The following KIRREL3 variants were observed in gnomAD, a reference collection of about 807,000 sequenced individuals.
The protein encoded by KIRREL3 is kin of IRRE-like protein 3.
KIRREL3 carries 36 observed loss-of-function variants against 89.7 expected under a neutral mutation model. That is an observed-to-expected ratio of 0.40 (90% CI 0.31 to 0.53). The LOEUF (loss-of-function observed/expected upper bound fraction) is 0.53, where lower values mean the gene tolerates loss of function less well. Among genes scored for constraint, KIRREL3 ranks in the 20% least tolerant of loss-of-function variants. The pLI is 0.49. For missense variants in KIRREL3, 864 were observed against 1,056.6 expected, an observed-to-expected ratio of 0.82 and a Z score of 2.53; for synonymous variants, 445 against 441.4, an observed-to-expected ratio of 1.01 and a Z score of -0.10.
rs1445904037 is a variant in KIRREL3, at chr11:126,990,383, C to T, written c.55+10072G>A. ...ACCCGCCTCCTGCGAGAGCCGCCGC[C>T]ATCTGTAACGTTGCCCTCACCACCC... On this transcript the variant is annotated intron_variant, in intron 1 of 16. Coordinates refer to ENST00000525144, the MANE Select transcript of KIRREL3 (RefSeq NM_032531.4). The surrounding 1 kb of genome is among the most constrained non-coding windows in gnomAD (Gnocchi z 6.3). Among the ~76,000 whole-genome samples, 2 of 152,192 alleles carry T rather than the reference C, an allele frequency of 1.3e-5. No individual in the cohort carries two copies.
In KIRREL3 at chr11:126,640,431, C is replaced by T. The variant is rs1182519025; in HGVS notation, c.56-77519G>A. On this transcript the variant is annotated intron_variant, in intron 1 of 16. Transcript: ENST00000525144. The surrounding 1 kb of genome is among the most constrained non-coding windows in gnomAD (Gnocchi z 4.9). ...CATCCGGAACTAGCAAACAGACTGT[C>T]AGTTCAGATTAGCAACATCAAAAGC... 6.6e-6 allele frequency among the ~76,000 whole-genome samples: 1 copy of T among 152,192 alleles called. No individual in the cohort carries two copies. Among genetic ancestry groups the T allele is most frequent in the Non-Finnish European group, 1.5e-5 (1 of 68,032 alleles).
intron 1 of KIRREL3, among the ~76,000 whole-genome samples, chr11:126,688,632 G>T (rs779724267): frequency 6.6e-6 from 1 of 152,164 alleles, no homozygotes; most frequent in Admixed American, 6.5e-5. Context: ...TCTTAGCTGC[G>T]TCAGCTCATA....
rs547310124 is a variant in KIRREL3, at chr11:126,747,190, G to A, written c.56-184278C>T. Among the ~76,000 whole-genome samples, 2 of 152,280 alleles carry A rather than the reference G, an allele frequency of 1.3e-5. No individual in the cohort carries two copies. The highest frequency in any genetic ancestry group is 4.8e-5 in the African/African-American group (2 of 41,558). ...CCTCATAGCATAGAGCTTGGCTCTTGGCTTAGTCCCAGGCCAGCAGGCCTC... is the reference window on the plus strand; with the variant it reads ...CCTCATAGCATAGAGCTTGGCTCTTAGCTTAGTCCCAGGCCAGCAGGCCTC... On this transcript the variant is annotated intron_variant, in intron 1 of 16. Coordinates refer to ENST00000525144, the MANE Select transcript of KIRREL3 (RefSeq NM_032531.4). The surrounding 1 kb of genome is among the most constrained non-coding windows in gnomAD (Gnocchi z 4.7).
intron 1 of KIRREL3, among the ~76,000 whole-genome samples, chr11:126,673,235 C>G (rs982707660): frequency 6.6e-6 from 1 of 152,228 alleles, no homozygotes; most frequent in Non-Finnish European, 1.5e-5. Flanking sequence ...CCACACTTGG[C>G]TCGAAAGAGC....
At position 126,994,472 on chromosome 11, in the gene KIRREL3, T is replaced by G. The variant is rs147948611; in HGVS notation, c.55+5983A>C. Among the ~76,000 whole-genome samples the G allele has an allele frequency of 1.1e-4, 16 of 152,374 alleles. No homozygotes were observed. In the East Asian group the frequency reaches 3.1e-3, roughly 29 times the overall value. On this transcript the variant is annotated intron_variant, in intron 1 of 16. Coordinates refer to ENST00000525144, the MANE Select transcript of KIRREL3 (RefSeq NM_032531.4). The surrounding 1 kb of genome is among the most constrained non-coding windows in gnomAD (Gnocchi z 5.2). ...CAAGGAATAGCTGACATTTATTTAATGTTCATAGTGGTGTTGACTGTGTAC... is the reference window on the plus strand; with the variant it reads ...CAAGGAATAGCTGACATTTATTTAAGGTTCATAGTGGTGTTGACTGTGTAC...
intron 4 of KIRREL3, among the ~76,000 whole-genome samples, chr11:126,506,756 T>G (rs968898290): frequency 6.6e-6 from 1 of 151,852 alleles, no homozygotes; most frequent in African/African-American, 2.4e-5. Flanking sequence ...ACAGACTTGT[T>G]TGTGAATGTT....
At position 126,515,800 on chromosome 11, in the gene KIRREL3, G is replaced by C. The variant is rs1016904786; in HGVS notation, c.433+5515C>G. ...GTGGGGACACTTTCTCGCCCCTGAA[G>C]AACCCCTCAGACTGTCACCTACTGA... On this transcript the variant is annotated intron_variant, in intron 4 of 16. Transcript: ENST00000525144. The surrounding 1 kb of genome is among the most constrained non-coding windows in gnomAD (Gnocchi z 4.2). 6.6e-6 allele frequency among the ~76,000 whole-genome samples: 1 copy of C among 152,218 alleles called. No homozygotes were observed. Among genetic ancestry groups the C allele is most frequent in the Non-Finnish European group, 1.5e-5 (1 of 68,036 alleles).
In KIRREL3 at chr11:126,845,515, G is replaced by T. The variant is rs1312807625; in HGVS notation, c.55+154940C>A. Among the ~76,000 whole-genome samples the T allele has an allele frequency of 2.6e-5, 4 of 152,102 alleles. 1 individual carries two copies. Among genetic ancestry groups the T allele is most frequent in the African/African-American group, 9.7e-5 (4 of 41,418 alleles). Reference sequence around the variant, plus strand: ...TTTTGTCATAAAGAGGGGTACCTTAGGATAGAATGAGGGCCTAGGACCCCA... The same window carrying T: ...TTTTGTCATAAAGAGGGGTACCTTATGATAGAATGAGGGCCTAGGACCCCA... On this transcript the variant is annotated intron_variant, in intron 1 of 16. Coordinates refer to ENST00000525144, the MANE Select transcript of KIRREL3 (RefSeq NM_032531.4).
intron 1 of KIRREL3, among the ~76,000 whole-genome samples, chr11:126,741,393 G>T (rs1300967855): frequency 6.6e-6 from 1 of 152,142 alleles, no homozygotes; most frequent in Non-Finnish European, 1.5e-5. Context: ...CTCCCGTGGG[G>T]CCAGCACAAT....
rs571103 is a variant in KIRREL3 at position 126,639,327 on chromosome 11, T to C, written c.56-76415A>G. Among the ~76,000 whole-genome samples the C allele has an allele frequency of 1.3e-5, 2 of 152,246 alleles. No individual in the cohort carries two copies. The highest frequency in any genetic ancestry group is 2.9e-5 in the Non-Finnish European group (2 of 68,046). On this transcript the variant is annotated intron_variant, in intron 1 of 16. Coordinates refer to ENST00000525144, the MANE Select transcript of KIRREL3 (RefSeq NM_032531.4). This position sits in a 1 kb window ranked among gnomAD's most constrained non-coding sequence, Gnocchi z 4.3. Reference sequence around the variant, plus strand: ...CTAGGCAGCTATTTGTATTTCTGTTTGGATTTTTGGGTCCTTTTCTTTTTG... The same window carrying C: ...CTAGGCAGCTATTTGTATTTCTGTTCGGATTTTTGGGTCCTTTTCTTTTTG...
intron 1 of KIRREL3, among the ~76,000 whole-genome samples, chr11:126,790,493 G>T (rs571155727): frequency 6.6e-6 from 1 of 152,172 alleles, no homozygotes; most frequent in Non-Finnish European, 1.5e-5. Flanking sequence ...TGAGGTTATT[G>T]TAAGGATTCA....
chr11:126,926,446 C>T (rs1947719413), intron 1 of KIRREL3, among the ~76,000 whole-genome samples: 1 of 152,154 alleles, frequency 6.6e-6, no homozygotes, highest in Non-Finnish European at 1.5e-5. Context: ...GAGCCACGCA[C>T]CTTCCTCCCT....
At chr11:126,926,502 C>T (rs1203864738) in intron 1 of KIRREL3, among the ~76,000 whole-genome samples, 1 of 152,172 alleles carries the variant, frequency 6.6e-6, no homozygotes, top group Non-Finnish European at 1.5e-5. Context: ...TGCAGGAAGG[C>T]TTCTCAGAGG....
chr11:126,945,974 G>C (rs137995841), intron 1 of KIRREL3, among the ~76,000 whole-genome samples: 316 of 152,258 alleles, frequency 2.1e-3, no homozygotes, highest in African/African-American at 7.2e-3. Context: ...ATATATCAGA[G>C]CCTTTGGTCA....
intron 1 of KIRREL3, among the ~76,000 whole-genome samples, chr11:126,799,061 C>T (rs1038325902): frequency 1.8e-4 from 27 of 146,008 alleles, no homozygotes; most frequent in Admixed American, 1.4e-4. Flanking sequence ...TATCTGTGTG[C>T]GTGTGCACGT....
intron 1 of KIRREL3, among the ~76,000 whole-genome samples, chr11:126,941,145 A>C (rs1168409224): frequency 1.3e-5 from 2 of 152,198 alleles, no homozygotes; most frequent in East Asian, 3.8e-4. Flanking sequence ...TGAAAATTTC[A>C]TCTGCATAAA....
intron 1 of KIRREL3, among the ~76,000 whole-genome samples, chr11:126,600,337 A>C (rs1161673429): frequency 6.6e-6 from 1 of 152,238 alleles, no homozygotes; most frequent in Non-Finnish European, 1.5e-5. Context: ...AGAGACCTTG[A>C]AGCAGAGGGC....
rs1050416167 is a variant in KIRREL3 at position 126,490,142 on chromosome 11, C to T, written c.434-16676G>A. On this transcript the variant is annotated intron_variant, in intron 4 of 16. Transcript: ENST00000525144. This position sits in a 1 kb window ranked among gnomAD's most constrained non-coding sequence, Gnocchi z 4.2. ...ATTCGTGTTTGTGGCCAGAGGCATA[C>T]ATAATCCAAATCTGGTGTATAATTG... Among the ~76,000 whole-genome samples, 1 of 142,748 alleles carries T rather than the reference C, an allele frequency of 7.0e-6. No individual in the cohort carries two copies. The highest frequency in any genetic ancestry group is 1.5e-5 in the Non-Finnish European group (1 of 66,560). 93.6% of individuals were successfully genotyped at this position (142,748 alleles called of 152,430 possible).
At position 126,686,925 on chromosome 11, in the gene KIRREL3, GA is replaced by G. The variant is rs1389769101; in HGVS notation, c.56-124014del. On this transcript the variant is annotated intron_variant, in intron 1 of 16. Coordinates refer to ENST00000525144, the MANE Select transcript of KIRREL3 (RefSeq NM_032531.4). This position sits in a 1 kb window ranked among gnomAD's most constrained non-coding sequence, Gnocchi z 4.7. ...TAAGAAGGAGTTATCCAGATGATAAGAGGGGAAGGAAGGTCACATTGAGAAG... is the reference window on the plus strand; with the variant it reads ...TAAGAAGGAGTTATCCAGATGATAAGGGGGAAGGAAGGTCACATTGAGAAG... Among the ~76,000 whole-genome samples, 4 of 152,316 alleles carry G rather than the reference GA, an allele frequency of 2.6e-5. No individual in the cohort carries two copies. The East Asian group carries it at 7.7e-4, about 29-fold the overall frequency.
Sources: gnomAD v4.1 joint callset for allele counts (sites outside exome capture counted in the v4.1 genomes callset) on GRCh38, gnomAD v4.1.1 for gene constraint, Gnocchi (gnomAD v3.1) non-coding constraint, MANE v1.5 for transcripts, NCBI Gene and HGNC (gene_info 2026-07-23, HGNC 2026-07-21) for gene names.